Variants in MS4A6A observed in about 807,000 individuals in gnomAD.
MS4A6A encodes the protein membrane-spanning 4-domains subfamily A member 6A.
Under a neutral mutation model 20.6 loss-of-function variants are expected in MS4A6A, and 19 were observed. That is an observed-to-expected ratio of 0.92 (90% CI 0.64 to 1.36). The LOEUF (loss-of-function observed/expected upper bound fraction) is 1.36, where lower values mean the gene tolerates loss of function less well. MS4A6A is among the 40% of genes most tolerant of loss of function. The probability of loss-of-function intolerance (pLI) is 0.00; values close to 1 mark genes in which losing one functional copy is unlikely to be tolerated. For synonymous variants in MS4A6A, 108 were observed against 105.0 expected (o/e 1.03, Z -0.17); for missense variants, 272 against 261.1 (o/e 1.04, Z -0.29).
intron 5 of MS4A6A, 62 bp downstream of exon 5, chr11:60,175,340 A>G (rs1045077362): frequency 3.0e-6 from 4 of 1,348,470 alleles, no homozygotes; most frequent in Middle Eastern, 2.0e-4. Context: ...AGAAGGAATA[A>G]CAAGAAATCA....
At chr11:60,171,907 A>G (rs1490251372), downstream of MS4A6A, 1 of 303,556 alleles carries the variant, frequency 3.3e-6, no homozygotes, top group African/African-American at 2.1e-5. Context: ...TTTTCTGGAA[A>G]TTCAGACTAT....
At chr11:60,171,835 C>T (rs1856601499), downstream of MS4A6A, among the ~76,000 whole-genome samples, 1 of 152,108 alleles carries the variant, frequency 6.6e-6, no homozygotes, top group South Asian at 2.1e-4. Flanking sequence ...AATGATCATT[C>T]TGTCTAGTTT....
chr11:60,176,326 A>G (rs1427287547), intron 4 of MS4A6A, among the ~76,000 whole-genome samples: 2 of 152,078 alleles, frequency 1.3e-5, no homozygotes, highest in Admixed American at 1.3e-4. Context: ...AAAGGTCTGA[A>G]CTGGAGGTCA....
Position 60,175,473 on chromosome 11 carries a change from T to C in MS4A6A, c.478A>G (p.Ser160Gly). ...TCATGATAAAAGTAAGAAACATAAC[T>C]TCTTGTTGGTATATTATTTTTGTCC... ...ELDKNNIPTR[S>G]YVSYFYHDSL... is the part of the protein sequence containing the mutation. Residue 160 changes from serine (S) to glycine (G), a missense_variant, in exon 5 of 6, where the codon AGT (serine) becomes GGT (glycine). Ser to Gly is a moderately conservative substitution (Grantham distance 56). Transcript: ENST00000528851. 6.2e-7 allele frequency: 1 copy of C among 1,614,142 alleles called. No individual in the cohort carries two copies. Among genetic ancestry groups the C allele is most frequent in the Non-Finnish European group, 8.5e-7 (1 of 1,179,994 alleles).
rs773187929 is a variant in MS4A6A at position 60,173,132 on chromosome 11, G to C, written c.550-3C>G. On this transcript the variant is annotated splice_polypyrimidine_tract_variant and splice_region_variant and intron_variant, in intron 5 of 5. Coordinates refer to ENST00000528851, the MANE Select transcript of MS4A6A (RefSeq NM_022349.4). Reference sequence around the variant, plus strand: ...ATCAGCATCAGAGAGAGAGTTCCCTGAAAGTCAAGAAATAAAAGATTGATG... The same window carrying C: ...ATCAGCATCAGAGAGAGAGTTCCCTCAAAGTCAAGAAATAAAAGATTGATG... 3.1e-6 allele frequency: 5 copies of C among 1,612,756 alleles called. No homozygotes were observed. The highest frequency in any genetic ancestry group is 4.2e-6 in the Non-Finnish European group (5 of 1,179,112).
In MS4A6A at chr11:60,176,625, C is replaced by T. The variant is rs11828298; in HGVS notation, c.340-1014G>A. ...ACATGGGCACTTCTTCTTTTAGGAACTCACCAGTTGATACTCTGGGACCCC... is the reference window on the plus strand; with the variant it reads ...ACATGGGCACTTCTTCTTTTAGGAATTCACCAGTTGATACTCTGGGACCCC... On this transcript the variant is annotated intron_variant, in intron 4 of 5. Coordinates refer to ENST00000528851, the MANE Select transcript of MS4A6A (RefSeq NM_022349.4). Among the ~76,000 whole-genome samples, 1,342 of 152,276 alleles carry T rather than the reference C, an allele frequency of 8.8e-3. 18 individuals are homozygous for T. The highest frequency in any genetic ancestry group is 0.03 in the African/African-American group (1,253 of 41,548).
chr11:60,178,366 T>C, intron 3 of MS4A6A, 50 bp from the exon 4 acceptor site: 4 of 1,455,594 alleles, frequency 2.7e-6, no homozygotes, highest in Non-Finnish European at 3.8e-6. Context: ...ACAGAGTACC[T>C]TCGACGTCAC....
In MS4A6A at chr11:60,179,199, T is replaced by C. The variant is rs565155301; in HGVS notation, c.282+632A>G. 1.5e-4 allele frequency among the ~76,000 whole-genome samples: 23 copies of C among 152,228 alleles called. No homozygotes were observed. The East Asian group carries it at 4.1e-3, about 27-fold the overall frequency. ...AGGAAGTTGAAGGAAAAAACATCTA[T>C]GAAAGGGAAACTTACCTATGAGAAA... is the stretch of plus-strand genomic sequence containing the variant. On this transcript the variant is annotated intron_variant, in intron 3 of 5. Transcript: ENST00000528851.
At chr11:60,178,236 G>T (rs770534321) in intron 4 of MS4A6A, 24 bp downstream of exon 4, 1 of 1,597,466 alleles carries the variant, frequency 6.3e-7, no homozygotes, top group South Asian at 1.1e-5. Flanking sequence ...CCATTGGGTT[G>T]TGGGTTATAG....
At chr11:60,180,721 C>T (rs753846545) in intron 2 of MS4A6A, 1 of 227,738 alleles carries the variant, frequency 4.4e-6, no homozygotes, top group Non-Finnish European at 8.8e-6. Flanking sequence ...CATTTAGAGG[C>T]CATCCCCCTT....
downstream of MS4A6A, chr11:60,171,931 T>A: frequency 2.7e-6 from 1 of 372,892 alleles, no homozygotes; most frequent in Non-Finnish European, 4.9e-6. Flanking sequence ...GCTAATCTAG[T>A]AAATGGTAAT....
At chr11:60,179,306 G>A (rs1857004023) in intron 3 of MS4A6A, among the ~76,000 whole-genome samples, 1 of 152,156 alleles carries the variant, frequency 6.6e-6, no homozygotes, top group African/African-American at 2.4e-5. Flanking sequence ...CTATTTCAGA[G>A]GAATTTCCTG....
At chr11:60,180,015 A>G in intron 2 of MS4A6A, 50 bp from the exon 3 acceptor site, 1 of 1,591,144 alleles carries the variant, frequency 6.3e-7, no homozygotes, top group African/African-American at 1.3e-5. Context: ...ATTTGTAAAG[A>G]CAGGGCCTTT....
rs550304089 is a variant in MS4A6A, at chr11:60,175,917, G to A, written c.340-306C>T. 3.3e-5 allele frequency among the ~76,000 whole-genome samples: 5 copies of A among 152,256 alleles called. No individual in the cohort carries two copies. In the East Asian group the frequency reaches 9.7e-4, roughly 29 times the overall value. The stretch of plus-strand genomic sequence containing the variant: ...GCAGGGCTTTCATGAGGCTTTACCT[G>A]CAACATTACCAAGAGAGCGTGACCC... On this transcript the variant is annotated intron_variant, in intron 4 of 5. Coordinates refer to ENST00000528851, the MANE Select transcript of MS4A6A (RefSeq NM_022349.4).
upstream of MS4A6A, chr11:60,184,344 T>C (rs2083866576): frequency 6.6e-6 from 1 of 152,262 alleles, no homozygotes; most frequent in Non-Finnish European, 1.5e-5. Context: ...CCCCTTCCTC[T>C]TTCGCAGAGT....
intron 3 of MS4A6A, chr11:60,179,551 TCGCCTAAA>T: frequency 1.7e-6 from 1 of 586,934 alleles, no homozygotes; most frequent in Non-Finnish European, 3.0e-6. Context: ...GATTTTTTTT[TCGCCTAAA>T]CCTGGAGAGA....
At chr11:60,179,352 C>G (rs539296501) in intron 3 of MS4A6A, 1 of 277,402 alleles carries the variant, frequency 3.6e-6, no homozygotes, top group South Asian at 4.9e-5. Flanking sequence ...TCAGCCTTAC[C>G]TGGGAATCAG....
chr11:60,183,317 C>T, upstream of MS4A6A: 4 of 729,134 alleles, frequency 5.5e-6, no homozygotes, highest in Non-Finnish European at 8.9e-6. Flanking sequence ...GTTCTTGAAG[C>T]TTCAGTTTTC....
chr11:60,183,188 C>A (rs1223157029), upstream of MS4A6A: 3 of 1,535,724 alleles, frequency 2.0e-6, no homozygotes, highest in East Asian at 7.3e-5. Context: ...AAACTTCTAG[C>A]AACTTCAGTA....
Sources: gnomAD v4.1 joint callset for allele counts (sites outside exome capture counted in the v4.1 genomes callset) on GRCh38, gnomAD v4.1.1 for gene constraint, MANE v1.5 for transcripts, NCBI Gene and HGNC (gene_info 2026-07-23, HGNC 2026-07-21) for gene names.